The following KAZN variants were observed in gnomAD, a reference collection of about 807,000 sequenced individuals.
KAZN encodes kazrin.
KAZN carries 40 observed loss-of-function variants against 87.4 expected under a neutral mutation model. The observed-to-expected ratio is 0.46, with a 90% confidence interval of 0.36 to 0.60. KAZN has a LOEUF of 0.60. Ranked by LOEUF, KAZN falls within the 20% of genes least tolerant of loss-of-function variation. The pLI is 0.00. For missense variants in KAZN, 898 were observed against 1,073.9 expected (o/e 0.84, Z 2.29); for synonymous variants, 466 against 458.3 (o/e 1.02, Z -0.22).
At chr1:14,370,786 G>A (rs191903226) in intron 2 of KAZN, among the ~76,000 whole-genome samples, 30 of 152,318 alleles carry the variant, frequency 2.0e-4, no homozygotes, top group African/African-American at 6.0e-4. Context: ...CCGGGCTTAG[G>A]TGATCCTCTT....
At chr1:14,348,057 T>TTTA (rs1658244387) in intron 2 of KAZN, among the ~76,000 whole-genome samples, 1 of 146,430 alleles carries the variant, frequency 6.8e-6, no homozygotes, top group African/African-American at 2.5e-5. Flanking sequence ...GCTAATTTTT[T>TTTA]TTTTTTTTTT....
intron 1 of KAZN, among the ~76,000 whole-genome samples, chr1:13,915,413 G>A (rs1639811314): frequency 6.6e-6 from 1 of 152,196 alleles, no homozygotes; most frequent in Non-Finnish European, 1.5e-5. Flanking sequence ...ATAGTTGTAA[G>A]TATAATTTAT....
At chr1:15,072,937 A>G (rs1262683188) in intron 8 of KAZN, among the ~76,000 whole-genome samples, 3 of 152,166 alleles carry the variant, frequency 2.0e-5, no homozygotes, top group Non-Finnish European at 1.5e-5. Flanking sequence ...GCTTTTTAGG[A>G]TTCAACTCCT....
chr1:14,464,361 A>C (rs150791374), intron 2 of KAZN, among the ~76,000 whole-genome samples: 1 of 152,230 alleles, frequency 6.6e-6, no homozygotes, highest in Non-Finnish European at 1.5e-5. Context: ...AAAGTCTGGC[A>C]ACACTCAGAT....
intron 1 of KAZN, among the ~76,000 whole-genome samples, chr1:14,105,165 A>C (rs1481917720): frequency 6.6e-6 from 1 of 152,216 alleles, no homozygotes; most frequent in Non-Finnish European, 1.5e-5. Flanking sequence ...GCCCAGCAAG[A>C]GAGAAGGACA....
At chr1:14,354,783 T>C (rs1015566046) in intron 2 of KAZN, among the ~76,000 whole-genome samples, 1 of 152,106 alleles carries the variant, frequency 6.6e-6, no homozygotes, top group African/African-American at 2.4e-5. Flanking sequence ...CCATCAGTTT[T>C]GAAAACTAGC....
intron 2 of KAZN, among the ~76,000 whole-genome samples, chr1:14,532,808 T>C (rs1360113039): frequency 1.3e-5 from 2 of 152,030 alleles, no homozygotes; most frequent in East Asian, 3.9e-4. Flanking sequence ...ACTCATCATT[T>C]TTTATGGCTG....
At chr1:14,113,885 A>G (rs568613344) in intron 1 of KAZN, among the ~76,000 whole-genome samples, 2 of 152,356 alleles carry the variant, frequency 1.3e-5, no homozygotes, top group African/African-American at 4.8e-5. Flanking sequence ...CCAGTGGGGC[A>G]TCTACTGGCC....
chr1:13,893,448 G>T (rs2100816427), exon 1 of KAZN: 2 of 681,732 alleles, frequency 2.9e-6, no homozygotes, highest in South Asian at 4.5e-5. Context: ...AAGGCTTATA[G>T]GGTTTCATTT....
chr1:14,366,968 A>G (rs1472998681), intron 2 of KAZN, among the ~76,000 whole-genome samples: 1 of 152,264 alleles, frequency 6.6e-6, no homozygotes, highest in Non-Finnish European at 1.5e-5. Context: ...ACAGTGGCTC[A>G]TGCCTGTAAT....
intron 1 of KAZN, among the ~76,000 whole-genome samples, chr1:13,954,165 C>G (rs1363766451): frequency 6.6e-6 from 1 of 152,208 alleles, no homozygotes; most frequent in African/African-American, 2.4e-5. Context: ...GATTGCGCCA[C>G]TGCACTCCAG....
intron 1 of KAZN, among the ~76,000 whole-genome samples, chr1:14,670,945 A>G (rs1639880372): frequency 6.6e-6 from 1 of 152,190 alleles, no homozygotes; most frequent in African/African-American, 2.4e-5. Context: ...GGTGGGGAAA[A>G]TTCTACTGGC....
chr1:14,716,516 T>C (rs563184578), intron 1 of KAZN, among the ~76,000 whole-genome samples: 1 of 152,334 alleles, frequency 6.6e-6, no homozygotes, highest in African/African-American at 2.4e-5. Flanking sequence ...ATCCTTCCCT[T>C]GGACCATTGC....
At position 14,972,607 on chromosome 1, in the gene KAZN, C is replaced by T. The variant is rs111411801; in HGVS notation, c.418+11732C>T. Among the ~76,000 whole-genome samples the T allele has an allele frequency of 5.2e-3, 791 of 152,112 alleles. 5 individuals carry two copies. Among genetic ancestry groups the T allele is most frequent in the South Asian group, 0.012 (58 of 4,802 alleles). On this transcript the variant is annotated intron_variant, in intron 2 of 14. Transcript: ENST00000376030. Reference sequence around the variant, plus strand: ...CTCAGCTCACTGCAACCCTGCCTCCCGAGTTCCGGCGATTCTCCTACCTCA... The same window carrying T: ...CTCAGCTCACTGCAACCCTGCCTCCTGAGTTCCGGCGATTCTCCTACCTCA...
intron 1 of KAZN, among the ~76,000 whole-genome samples, chr1:14,070,068 C>A (rs59367664): frequency 6.6e-6 from 1 of 150,508 alleles, no homozygotes; most frequent in Admixed American, 6.7e-5. Context: ...ACTCGGGAGG[C>A]TAAGGCAGGA....
intron 1 of KAZN, among the ~76,000 whole-genome samples, chr1:14,757,118 G>A (rs1644591448): frequency 6.6e-6 from 1 of 152,222 alleles, no homozygotes; most frequent in Non-Finnish European, 1.5e-5. Context: ...CAGTGACTCT[G>A]CTCTGGATGA....
chr1:14,366,090 T>C (rs1235944961), intron 2 of KAZN, among the ~76,000 whole-genome samples: 2 of 152,226 alleles, frequency 1.3e-5, no homozygotes, highest in African/African-American at 4.8e-5. Flanking sequence ...TACACATCTG[T>C]TCATTAAAGC....
intron 8 of KAZN, among the ~76,000 whole-genome samples, chr1:15,093,764 C>T (rs896903858): frequency 3.9e-5 from 6 of 152,062 alleles, no homozygotes; most frequent in African/African-American, 9.7e-5. Flanking sequence ...TCTCCAAGCT[C>T]GCCAGGAATT....
chr1:14,448,326 C>A (rs548714357), intron 2 of KAZN, among the ~76,000 whole-genome samples: 1 of 152,336 alleles, frequency 6.6e-6, no homozygotes, highest in South Asian at 2.1e-4. Flanking sequence ...GCCATCGTCA[C>A]AGCTATAGAA....
Sources: gnomAD v4.1 joint callset for allele counts (sites outside exome capture counted in the v4.1 genomes callset) on GRCh38, gnomAD v4.1.1 for gene constraint, MANE v1.5 for transcripts, NCBI Gene and HGNC (gene_info 2026-07-23, HGNC 2026-07-21) for gene names.